The following RXRG variants were observed in gnomAD, a reference collection of about 807,000 sequenced individuals.
The protein encoded by RXRG is retinoic acid receptor RXR-gamma.
A neutral mutation model predicts 49.2 loss-of-function variants in RXRG; 19 were observed. That is an observed-to-expected ratio of 0.39 (90% CI 0.27 to 0.57). The LOEUF is 0.57. RXRG is among the 20% of genes least tolerant of loss of function. The pLI, the probability that RXRG is intolerant of heterozygous loss-of-function variation, is 0.64. For synonymous variants in RXRG, 224 were observed against 216.6 expected, an observed-to-expected ratio of 1.03 and a Z score of -0.30; for missense variants, 452 against 592.5, an observed-to-expected ratio of 0.76 and a Z score of 2.46.
chr1:165,425,152 C>T (rs1394962281), intron 2 of RXRG, among the ~76,000 whole-genome samples: 1 of 152,242 alleles, frequency 6.6e-6, no homozygotes, highest in Non-Finnish European at 1.5e-5. Context: ...GCTACTCACA[C>T]AGCTCTGAAG....
At chr1:165,410,646 A>C in intron 6 of RXRG, 56 bp downstream of exon 6, 1 of 1,603,674 alleles carries the variant, frequency 6.2e-7, no homozygotes, top group Non-Finnish European at 8.5e-7. Context: ...TTTTTTTAGG[A>C]TCCCAAGAGC....
intron 7 of RXRG, 118 bp downstream of exon 7, chr1:165,409,440 A>C: frequency 8.2e-7 from 1 of 1,214,826 alleles, no homozygotes. Flanking sequence ...CCATCCCAGC[A>C]CTACCCAGAG....
chr1:165,444,820 A>G lies in RXRG; in HGVS notation c.49+25T>C, dbSNP rs746251168. 1.6e-5 allele frequency: 26 copies of G among 1,608,494 alleles called. No homozygotes were observed. The South Asian group carries it at 2.6e-4, about 16-fold the overall frequency. On this transcript the variant is annotated intron_variant, in intron 1 of 9. Coordinates refer to ENST00000359842, the MANE Select transcript of RXRG (RefSeq NM_006917.5). ...CTCAGTCTCTCATACAGGTCCACGC[A>G]GTGAAGCCCAAGGGAGATACTTACC...
chr1:165,422,338 C>A (rs531605018), intron 2 of RXRG, among the ~76,000 whole-genome samples: 6 of 152,162 alleles, frequency 3.9e-5, no homozygotes, highest in African/African-American at 1.4e-4. Context: ...TATTCAGGAA[C>A]AATATGGAGA....
chr1:165,411,274 C>G (rs1035984312), intron 4 of RXRG, among the ~76,000 whole-genome samples, 165 bp from the exon 5 acceptor site: 9 of 152,144 alleles, frequency 5.9e-5, no homozygotes, highest in Non-Finnish European at 1.3e-4. Flanking sequence ...GAAAGCAAAG[C>G]TGTTTGCTTA....
At chr1:165,401,967 T>C (rs772952238) in intron 9 of RXRG, among the ~76,000 whole-genome samples, 5 of 152,262 alleles carry the variant, frequency 3.3e-5, no homozygotes, top group Non-Finnish European at 5.9e-5. Flanking sequence ...AGGTTGGACC[T>C]GAGTACCTAG....
chr1:165,439,373 C>G (rs419988), intron 1 of RXRG, among the ~76,000 whole-genome samples: 2 of 151,906 alleles, frequency 1.3e-5, no homozygotes, highest in Non-Finnish European at 2.9e-5. Flanking sequence ...CTTCAAGCAC[C>G]GGAAGCAACC....
At chr1:165,433,600 C>A (rs543034386) in intron 1 of RXRG, among the ~76,000 whole-genome samples, 64 of 152,290 alleles carry the variant, frequency 4.2e-4, no homozygotes, top group African/African-American at 1.4e-3. Flanking sequence ...GGTAACATAC[C>A]CAAGAATAGC....
chr1:165,440,650 CCACCAAAGCCCATGCA>C (rs768961883), intron 1 of RXRG, among the ~76,000 whole-genome samples: 62,729 of 151,932 alleles, frequency 0.41, 13,660 homozygotes, highest in East Asian at 0.7. Flanking sequence ...CTCATGAGAG[CCACCAAAGCCCATGCA>C]TTCTAGAAAA....
At chr1:165,428,640 T>G in intron 2 of RXRG, 79 bp downstream of exon 2, 3 of 1,494,536 alleles carry the variant, frequency 2.0e-6, no homozygotes, top group Non-Finnish European at 2.7e-6. Context: ...ACCTGCTGAG[T>G]GCTGGTTCTG....
chr1:165,426,730 T>C lies in RXRG; in HGVS notation c.297+1989A>G, dbSNP rs578108222. ...GTGATCTCCAGAGAAACAGAATCTA[T>C]AGGAGGTGTGTGTGTATATATATAT... On this transcript the variant is annotated intron_variant, in intron 2 of 9. Transcript: ENST00000359842. Among the ~76,000 whole-genome samples, 199 of 152,248 alleles carry C rather than the reference T, an allele frequency of 1.3e-3. 2 individuals are homozygous for C. Among genetic ancestry groups the C allele is most frequent in the African/African-American group, 4.7e-3 (194 of 41,546 alleles).
chr1:165,404,675 C>T (rs1001880655), intron 9 of RXRG, among the ~76,000 whole-genome samples: 3 of 152,056 alleles, frequency 2.0e-5, no homozygotes, highest in African/African-American at 7.2e-5. Context: ...AGGATACACA[C>T]GAGACATAAT....
intron 1 of RXRG, among the ~76,000 whole-genome samples, chr1:165,441,221 C>T (rs1416408748): frequency 2.0e-5 from 3 of 152,238 alleles, no homozygotes; most frequent in African/African-American, 7.2e-5. Flanking sequence ...ATTAATTCTG[C>T]AGAGATCACC....
chr1:165,430,773 C>A (rs1365252611), intron 1 of RXRG, among the ~76,000 whole-genome samples: 1 of 152,250 alleles, frequency 6.6e-6, no homozygotes, highest in African/African-American at 2.4e-5. Flanking sequence ...TTTATCCTGA[C>A]AATAAGCCTA....
intron 1 of RXRG, among the ~76,000 whole-genome samples, chr1:165,437,381 A>G (rs1396076196): frequency 6.6e-6 from 1 of 152,108 alleles, no homozygotes; most frequent in Non-Finnish European, 1.5e-5. Context: ...ATTTCTGCAC[A>G]TTTTTCTTAG....
At position 165,417,080 on chromosome 1, in the gene RXRG, G is replaced by C; in HGVS notation, c.583C>G (p.Arg195Gly). Residue 195 changes from arginine (R) to glycine (G), a missense_variant, in exon 4 of 10, where the codon CGC (arginine) becomes GGC (glycine). By Grantham distance (125) the Arg-to-Gly change is moderately radical. Transcript: ENST00000359842. ...CCCATGACAAGGCACTTCTGATAGC[G>C]ACAGTACTGGCAGCGGTTGCGCTGA... The part of the protein sequence containing the change: ...KRQRNRCQYC[R>G]YQKCLVMGMK... 1 of 1,614,120 alleles carries C rather than the reference G, an allele frequency of 6.2e-7. No homozygotes were observed.
chr1:165,422,251 T>A (rs1658344082), intron 2 of RXRG, among the ~76,000 whole-genome samples: 1 of 152,196 alleles, frequency 6.6e-6, no homozygotes, highest in African/African-American at 2.4e-5. Context: ...ATTATGTTAA[T>A]CCTCTCAACA....
chr1:165,444,777 C>A (rs1659108015), intron 1 of RXRG, 68 bp downstream of exon 1: 1 of 1,306,256 alleles, frequency 7.7e-7, no homozygotes, highest in South Asian at 1.2e-5. Context: ...TCCAGTCATT[C>A]GTATTTCCCA....
At chr1:165,417,570 T>C (rs1658165842) in intron 3 of RXRG, among the ~76,000 whole-genome samples, 1 of 152,114 alleles carries the variant, frequency 6.6e-6, no homozygotes, top group Non-Finnish European at 1.5e-5. Context: ...AAATAATAAA[T>C]AAAAATATAT....
Sources: allele counts gnomAD v4.1 joint callset (sites outside exome capture counted in the v4.1 genomes callset), GRCh38; gene constraint gnomAD v4.1.1; transcripts MANE v1.5; gene names NCBI Gene and HGNC (gene_info 2026-07-23, HGNC 2026-07-21).